AP4S1: variants seen among roughly 807,000 people sequenced by gnomAD.
AP4S1 encodes AP-4 complex subunit sigma-1.
Under a neutral mutation model 19.8 loss-of-function variants are expected in AP4S1, and 23 were observed. That is an observed-to-expected ratio of 1.16 (90% confidence interval 0.84 to 1.65). The LOEUF (loss-of-function observed/expected upper bound fraction) is 1.65. AP4S1 is among the 40% of genes most tolerant of loss of function. The probability of loss-of-function intolerance (pLI) is 0.00; values close to 1 mark genes in which losing one functional copy is unlikely to be tolerated. For missense variants in AP4S1, 166 were observed against 172.8 expected, an observed-to-expected ratio of 0.96 and a Z score of 0.22; for synonymous variants, 46 against 54.1, an observed-to-expected ratio of 0.85 and a Z score of 0.66.
rs1886700534 is a variant in AP4S1 at position 31,066,137 on chromosome 14, A to G, written c.-60A>G. On this transcript the variant is annotated 5_prime_UTR_variant, in exon 2 of 6. Coordinates refer to ENST00000542754, the MANE Select transcript of AP4S1 (RefSeq NM_001128126.3). ...TTTTTGTCTTCAAGGTTCCAGTTAC[A>G]GCCATCCCTTGTCATAACTTTTGAA... 4 of 1,560,578 alleles carry G rather than the reference A, an allele frequency of 2.6e-6. No homozygotes were observed. In the Admixed American group the frequency reaches 6.7e-5, roughly 26 times the overall value.
chr14:31,083,041 C>T (rs1231544233), intron 5 of AP4S1, among the ~76,000 whole-genome samples: 1 of 152,024 alleles, frequency 6.6e-6, no homozygotes, highest in African/African-American at 2.4e-5. Context: ...AGAGAGTTAA[C>T]GTGAATCAGA....
chr14:31,045,244 A>T (rs151159986), intron 1 of AP4S1, among the ~76,000 whole-genome samples: 6 of 152,284 alleles, frequency 3.9e-5, no homozygotes, highest in Admixed American at 6.5e-5. Flanking sequence ...TATAATGTAT[A>T]TACCATAAAA....
At chr14:31,082,897 A>G (rs574964347) in intron 5 of AP4S1, among the ~76,000 whole-genome samples, 5 of 147,594 alleles carry the variant, frequency 3.4e-5, no homozygotes, top group African/African-American at 1.0e-4. Context: ...CTCCGTCTCA[A>G]AAAAAAAAAA....
intron 1 of AP4S1, among the ~76,000 whole-genome samples, chr14:31,058,517 C>CTGTGTGTGTGTGTGTGTG (rs1241249693): frequency 1.6e-4 from 23 of 139,460 alleles, no homozygotes; most frequent in South Asian, 4.9e-4. Flanking sequence ...TTCCCCATCT[C>CTGTGTGTGTGTGTGTGTG]TGTGTGTGTA....
intron 2 of AP4S1, 47 bp downstream of exon 2, chr14:31,066,381 G>A (rs764890192): frequency 6.2e-7 from 1 of 1,612,186 alleles, no homozygotes; most frequent in Admixed American, 1.7e-5. Context: ...ACTCAGCCTT[G>A]GCAGATTTGT....
In AP4S1 at chr14:31,093,898, CCACCT is replaced by C. The variant is rs1888139239; in HGVS notation, c.*865_*869del. On this transcript the variant is annotated 3_prime_UTR_variant, in exon 6 of 6. Coordinates refer to ENST00000542754, the MANE Select transcript of AP4S1 (RefSeq NM_001128126.3). ...GTGTGATCTCAGCTCACTGCAACCT[CCACCT>C]CTGGGTTTAAGCAATTCTCCTGCCT... The C allele has an allele frequency of 6.6e-6, 1 of 152,426 alleles. No individual in the cohort carries two copies. The highest frequency in any genetic ancestry group is 1.5e-5 in the Non-Finnish European group (1 of 68,260). The allele number at this position is 152,426 out of a possible 1,614,324, so 9.4% of individuals were successfully genotyped here.
At chr14:31,049,098 C>A (rs948353497) in intron 1 of AP4S1, among the ~76,000 whole-genome samples, 3 of 151,158 alleles carry the variant, frequency 2.0e-5, no homozygotes, top group Admixed American at 6.6e-5. Context: ...AAAAAAACAA[C>A]CAAAAACCCA....
chr14:31,036,176 CAAAA>C (rs1407405540), intron 1 of AP4S1, among the ~76,000 whole-genome samples: 3 of 142,068 alleles, frequency 2.1e-5, no homozygotes, highest in African/African-American at 5.5e-5. Flanking sequence ...GAATTAGTAA[CAAAA>C]AAGAAAAAAA....
At chr14:31,025,546 G>A (rs1883788458), upstream of AP4S1, 1 of 314,464 alleles carries the variant, frequency 3.2e-6, no homozygotes, top group Non-Finnish European at 6.0e-6. Context: ...AGCAAACTCA[G>A]TGTTGAGAGG....
In AP4S1 at chr14:31,072,958, G is replaced by A. The variant is rs1177261674; in HGVS notation, c.279G>A (p.Glu93=). The A allele has an allele frequency of 1.9e-6, 3 of 1,613,866 alleles. No homozygotes were observed. Among genetic ancestry groups the A allele is most frequent in the Non-Finnish European group, 2.5e-6 (3 of 1,179,816 alleles). ...ATAACTTTGTGGAAGTTTTAGATGA[G>A]TATTTCAGCCGAGTGGTAAGTCTAA... ...FIHNFVEVLD[E]YFSRVSELDI... The change falls in exon 4 of 6, where the codon GAG becomes GAA. Residue 93 remains glutamate (E), a synonymous_variant. Coordinates refer to ENST00000542754, the MANE Select transcript of AP4S1 (RefSeq NM_001128126.3).
intron 5 of AP4S1, chr14:31,085,734 C>T: frequency 1.2e-6 from 1 of 828,998 alleles, no homozygotes; most frequent in Non-Finnish European, 1.5e-6. Flanking sequence ...GATTGTGCTA[C>T]TGCACTCCAA....
chr14:31,070,302 A>G (rs537910016), intron 3 of AP4S1, among the ~76,000 whole-genome samples: 3 of 152,298 alleles, frequency 2.0e-5, no homozygotes, highest in Admixed American at 2.0e-4. Context: ...GTGCAATGGC[A>G]CAGTCATAGC....
intron 1 of AP4S1, among the ~76,000 whole-genome samples, chr14:31,039,659 G>A (rs1438332352): frequency 6.9e-6 from 1 of 145,042 alleles, no homozygotes; most frequent in African/African-American, 2.6e-5. Context: ...TGCAAGCTCC[G>A]CCTCCCGGGT....
At chr14:31,057,071 C>T (rs1230129693) in intron 1 of AP4S1, among the ~76,000 whole-genome samples, 3 of 151,938 alleles carry the variant, frequency 2.0e-5, no homozygotes, top group Non-Finnish European at 4.4e-5. Context: ...AAGACCCTGT[C>T]TCAAAAAACA....
chr14:31,031,586 C>T (rs1884390754), intron 1 of AP4S1, among the ~76,000 whole-genome samples: 1 of 152,154 alleles, frequency 6.6e-6, no homozygotes, highest in Admixed American at 6.6e-5. Context: ...ATATTTCCTC[C>T]TCTATTGGAA....
chr14:31,074,410 T>A (rs2139076579), intron 4 of AP4S1, among the ~76,000 whole-genome samples: 2 of 151,672 alleles, frequency 1.3e-5, no homozygotes, highest in East Asian at 3.9e-4. Flanking sequence ...CTCAGCACTT[T>A]GAGAGGCCGA....
chr14:31,058,527 A>G (rs61976842), intron 1 of AP4S1, among the ~76,000 whole-genome samples: 9,050 of 136,492 alleles, frequency 0.066, 342 homozygotes, highest in South Asian at 0.11. Flanking sequence ...CTGTGTGTGT[A>G]TGTGTGTGTG....
intron 1 of AP4S1, among the ~76,000 whole-genome samples, chr14:31,028,986 T>C (rs1459130589): frequency 6.6e-6 from 1 of 152,216 alleles, no homozygotes; most frequent in Non-Finnish European, 1.5e-5. Flanking sequence ...TAACTTGAGC[T>C]TAAGGAAAGA....
chr14:31,035,811 C>T (rs1349821027), intron 1 of AP4S1, among the ~76,000 whole-genome samples: 1 of 150,944 alleles, frequency 6.6e-6, no homozygotes, highest in South Asian at 2.1e-4. Context: ...CTCACTGCAA[C>T]TTCCGCCTCC....
Sources: gnomAD v4.1 joint callset for allele counts (sites outside exome capture counted in the v4.1 genomes callset) on GRCh38, gnomAD v4.1.1 for gene constraint, MANE v1.5 for transcripts, NCBI Gene and HGNC (gene_info 2026-07-23, HGNC 2026-07-21) for gene names.